ATXN1: variants seen among roughly 807,000 people sequenced by gnomAD.
ATXN1 encodes ataxin-1.
A neutral mutation model predicts 56.4 loss-of-function variants in ATXN1; 8 were observed. The ratio of observed to expected loss-of-function variants is 0.14; its 90% CI spans 0.08 to 0.26. ATXN1 has a LOEUF of 0.26. Among genes scored for constraint, ATXN1 ranks in the 10% least tolerant of loss-of-function variants. ATXN1 has a pLI of 1.00. For synonymous variants in ATXN1, 514 were observed against 494.6 expected (o/e 1.04, Z -0.52); for missense variants, 987 against 1,106.5 (o/e 0.89, Z 1.53).
chr6:16,357,961 T>C (rs1761725283), intron 6 of ATXN1, among the ~76,000 whole-genome samples: 1 of 152,062 alleles, frequency 6.6e-6, no homozygotes, highest in Non-Finnish European at 1.5e-5. Flanking sequence ...GGAACTCTCC[T>C]GAAAGGACCA....
chr6:16,364,767 C>A (rs1487831422), intron 6 of ATXN1, among the ~76,000 whole-genome samples: 1 of 151,946 alleles, frequency 6.6e-6, no homozygotes, highest in Non-Finnish European at 1.5e-5. Context: ...CCTTAAACCC[C>A]ATTTTATTAA....
At chr6:16,350,464 T>C (rs1761542314) in intron 6 of ATXN1, among the ~76,000 whole-genome samples, 2 of 152,194 alleles carry the variant, frequency 1.3e-5, no homozygotes, top group African/African-American at 4.8e-5. Flanking sequence ...CTGCTAACGG[T>C]TTTGCACCAT....
intron 6 of ATXN1, among the ~76,000 whole-genome samples, chr6:16,430,300 T>C (rs570739145): frequency 2.3e-5 from 3 of 129,416 alleles, no homozygotes; most frequent in South Asian, 2.4e-4. Flanking sequence ...GCAACAACAA[T>C]GAAAAGAAGG....
chr6:16,596,145 C>T (rs374099828), intron 3 of ATXN1, among the ~76,000 whole-genome samples: 1 of 152,260 alleles, frequency 6.6e-6, no homozygotes, highest in Non-Finnish European at 1.5e-5. Flanking sequence ...TACAGATGCA[C>T]GCCTCCATGC....
At chr6:16,362,923 C>T (rs1761840690) in intron 6 of ATXN1, among the ~76,000 whole-genome samples, 1 of 152,288 alleles carries the variant, frequency 6.6e-6, no homozygotes, top group South Asian at 2.1e-4. Context: ...TGCATGGAGC[C>T]GCTCATTTAA....
intron 6 of ATXN1, among the ~76,000 whole-genome samples, chr6:16,440,029 G>A (rs559259561): frequency 1.7e-4 from 26 of 150,082 alleles, no homozygotes; most frequent in Admixed American, 6.0e-4. Context: ...GAGCTGAGAC[G>A]GTGCCATTGC....
At chr6:16,339,055 T>C (rs1239596749) in intron 6 of ATXN1, among the ~76,000 whole-genome samples, 1 of 152,126 alleles carries the variant, frequency 6.6e-6, no homozygotes, top group Non-Finnish European at 1.5e-5. Context: ...ACTTTTTGGA[T>C]GAGTAATTCC....
chr6:16,328,859 A>G lies in ATXN1; in HGVS notation c.-160-389T>C, dbSNP rs9358089. Among the ~76,000 whole-genome samples the G allele has an allele frequency of 0.13, 19,260 of 152,164 alleles. 1,858 individuals are homozygous for G. Among genetic ancestry groups the G allele is most frequent in the East Asian group, 0.41 (2,145 of 5,184 alleles). ...GGAGAATTGCTTGAACCCAGGAGGC[A>G]GAGGTTGCAGTGAGCCGAGATTGCA... On this transcript the variant is annotated intron_variant, in intron 6 of 7. Transcript: ENST00000436367. This position sits in a 1 kb window ranked among gnomAD's most constrained non-coding sequence, Gnocchi z 6.2.
intron 6 of ATXN1, among the ~76,000 whole-genome samples, chr6:16,383,295 C>A (rs915205835): frequency 1.4e-4 from 21 of 152,134 alleles, no homozygotes; most frequent in African/African-American, 4.8e-4. Flanking sequence ...GTAAAAAGAA[C>A]TGGGAGGACT....
At chr6:16,590,040 A>G (rs1014886685) in intron 3 of ATXN1, among the ~76,000 whole-genome samples, 3 of 152,216 alleles carry the variant, frequency 2.0e-5, no homozygotes, top group Non-Finnish European at 4.4e-5. Flanking sequence ...TGCTGTAAAC[A>G]TTGAGCTGAC....
At chr6:16,389,298 C>T (rs556992176) in intron 6 of ATXN1, among the ~76,000 whole-genome samples, 1 of 111,178 alleles carries the variant, frequency 9.0e-6, no homozygotes, top group South Asian at 2.3e-4. Context: ...GATGGCGCCA[C>T]TGCACTCCAG....
chr6:16,344,573 G>A (rs887181733), intron 6 of ATXN1, among the ~76,000 whole-genome samples: 1 of 152,044 alleles, frequency 6.6e-6, no homozygotes, highest in African/African-American at 2.4e-5. Flanking sequence ...CACCCGACTT[G>A]AAGTTCTTCA....
At chr6:16,576,309 G>T (rs1008375388) in intron 4 of ATXN1, among the ~76,000 whole-genome samples, 2 of 152,110 alleles carry the variant, frequency 1.3e-5, no homozygotes, top group African/African-American at 4.8e-5. Flanking sequence ...ACATATGATA[G>T]TTCAGCCCAG....
In ATXN1 at chr6:16,519,750, G is replaced by T. The variant is rs146924852; in HGVS notation, c.-299+2877C>A. 2.3e-3 allele frequency among the ~76,000 whole-genome samples: 344 copies of T among 152,342 alleles called. 1 individual carries two copies. Among genetic ancestry groups the T allele is most frequent in the Non-Finnish European group, 4.3e-3 (292 of 68,036 alleles). ...CCACCTCCTTTCAATTGCTAAGACA[G>T]GCAGGTGCTGCCAACCCTGCTGACC... is the stretch of plus-strand genomic sequence containing the variant. On this transcript the variant is annotated intron_variant, in intron 5 of 7. Transcript: ENST00000436367.
intron 6 of ATXN1, among the ~76,000 whole-genome samples, chr6:16,349,077 TAAG>T (rs777092663): frequency 3.5e-4 from 53 of 152,226 alleles, no homozygotes; most frequent in Non-Finnish European, 5.6e-4. Context: ...AGTTCACACA[TAAG>T]AAGAATTTAG....
At chr6:16,322,831 T>C (rs1760706020) in intron 7 of ATXN1, among the ~76,000 whole-genome samples, 1 of 152,244 alleles carries the variant, frequency 6.6e-6, no homozygotes, top group Non-Finnish European at 1.5e-5. Context: ...TTAGCTGTGA[T>C]GATGTCAGCC....
intron 6 of ATXN1, chr6:16,432,541 G>C (rs1483200914): frequency 1.3e-5 from 2 of 151,892 alleles, no homozygotes; most frequent in African/African-American, 4.8e-5. Context: ...CAAGGAAGAG[G>C]GAAAAAAAGA....
chr6:16,597,132 T>C (rs964395216), intron 3 of ATXN1, among the ~76,000 whole-genome samples: 2 of 152,194 alleles, frequency 1.3e-5, no homozygotes, highest in Non-Finnish European at 2.9e-5. Context: ...TCCCAGGGGA[T>C]TGAGCTCCTA....
chr6:16,663,850 T>C (rs1758374038), intron 2 of ATXN1, among the ~76,000 whole-genome samples: 1 of 152,040 alleles, frequency 6.6e-6, no homozygotes, highest in South Asian at 2.1e-4. Flanking sequence ...TTTTGATCCA[T>C]ACTGATGGAA....
Sources: gnomAD v4.1 joint callset for allele counts (sites outside exome capture counted in the v4.1 genomes callset) on GRCh38, gnomAD v4.1.1 for gene constraint, Gnocchi (gnomAD v3.1) non-coding constraint, MANE v1.5 for transcripts, NCBI Gene and HGNC (gene_info 2026-07-23, HGNC 2026-07-21) for gene names.